NAV2: variants seen among roughly 807,000 people sequenced by gnomAD.
The protein encoded by NAV2 is helicase, APC down-regulated 1.
NAV2 carries 54 observed loss-of-function variants against 223.2 expected under a neutral mutation model. The observed-to-expected ratio is 0.24, with a 90% CI of 0.19 to 0.30. The LOEUF is 0.30. NAV2 is among the 10% of genes least tolerant of loss of function. The pLI, the probability that NAV2 is intolerant of heterozygous loss-of-function variation, is 1.00. For missense variants in NAV2, 2,806 were observed against 3,147.5 expected (o/e 0.89, Z 2.60); for synonymous variants, 1,279 against 1,239.3 (o/e 1.03, Z -0.67).
chr11:19,546,434 A>G (rs751909312), intron 1 of NAV2, among the ~76,000 whole-genome samples: 33 of 152,228 alleles, frequency 2.2e-4, no homozygotes, highest in Non-Finnish European at 3.5e-4. Context: ...CTGCTGCGGG[A>G]AGGTAGGAAA....
chr11:19,623,995 C>A (rs1007716907), intron 1 of NAV2, among the ~76,000 whole-genome samples: 8 of 152,162 alleles, frequency 5.3e-5, no homozygotes, highest in Admixed American at 4.6e-4. Flanking sequence ...CAGTCAGGAC[C>A]CTCAGCTGCA....
At chr11:20,075,217 G>GTTTTTTTT (rs1386079912) in intron 22 of NAV2, among the ~76,000 whole-genome samples, 3 of 100,664 alleles carry the variant, frequency 3.0e-5, no homozygotes, top group Non-Finnish European at 5.6e-5. Flanking sequence ...TTGTTTTTTT[G>GTTTTTTTT]TTTTGTTTTT....
chr11:19,645,736 C>T (rs527796522), intron 1 of NAV2, among the ~76,000 whole-genome samples: 142 of 152,098 alleles, frequency 9.3e-4, no homozygotes, highest in African/African-American at 3.2e-3. Context: ...AAAGCAATTG[C>T]GTTTTTTGCC....
intron 1 of NAV2, among the ~76,000 whole-genome samples, chr11:19,733,764 C>T (rs1031146961): frequency 1.3e-5 from 2 of 152,070 alleles, no homozygotes; most frequent in Admixed American, 6.5e-5. Flanking sequence ...CATATCAGGA[C>T]ATGGAAAAGG....
intron 10 of NAV2, 53 bp from the exon 11 acceptor site, chr11:19,984,072 G>A (rs1206199156): frequency 1.2e-6 from 2 of 1,612,034 alleles, no homozygotes; most frequent in Admixed American, 1.7e-5. Flanking sequence ...ATGCAAGCCT[G>A]GAAGCCACTT....
At chr11:20,080,785 T>C (rs2060043497) in intron 25 of NAV2, among the ~76,000 whole-genome samples, 1 of 152,224 alleles carries the variant, frequency 6.6e-6, no homozygotes, top group African/African-American at 2.4e-5. Flanking sequence ...ATAGAATCAG[T>C]CTCCATTACA....
chr11:20,018,867 G>T (rs539413247), intron 11 of NAV2, among the ~76,000 whole-genome samples: 2 of 152,128 alleles, frequency 1.3e-5, no homozygotes, highest in African/African-American at 4.8e-5. Flanking sequence ...CATCTGACCC[G>T]TGAGAAGTGG....
At chr11:19,698,133 G>A (rs965008309) in intron 1 of NAV2, among the ~76,000 whole-genome samples, 17 of 152,164 alleles carry the variant, frequency 1.1e-4, no homozygotes, top group Admixed American at 2.0e-4. Flanking sequence ...AGGAGAGAAC[G>A]GGGTGTAATC....
chr11:19,493,914 T>C (rs531974856), intron 1 of NAV2, among the ~76,000 whole-genome samples: 1 of 152,378 alleles, frequency 6.6e-6, no homozygotes, highest in East Asian at 1.9e-4. Flanking sequence ...ATCAGACCAA[T>C]AGCTGCCTAT....
At chr11:20,059,822 C>A (rs181459974) in intron 19 of NAV2, among the ~76,000 whole-genome samples, 1 of 152,272 alleles carries the variant, frequency 6.6e-6, no homozygotes, top group African/African-American at 2.4e-5. Context: ...AAATATGTAG[C>A]CTGCTTTAGC....
At chr11:19,766,617 A>T (rs2152563620) in intron 1 of NAV2, among the ~76,000 whole-genome samples, 1 of 152,312 alleles carries the variant, frequency 6.6e-6, no homozygotes, top group South Asian at 2.1e-4. Flanking sequence ...GGTGCTTATC[A>T]GTCCTGGATG....
intron 1 of NAV2, among the ~76,000 whole-genome samples, chr11:19,811,671 A>G (rs1413235317): frequency 5.9e-5 from 9 of 152,158 alleles, no homozygotes; most frequent in African/African-American, 1.7e-4. Context: ...AGTTTCTGGC[A>G]TGACAGAAAG....
At chr11:19,355,746 A>G (rs901013706) in intron 1 of NAV2, among the ~76,000 whole-genome samples, 3 of 152,178 alleles carry the variant, frequency 2.0e-5, no homozygotes, top group African/African-American at 7.2e-5. Context: ...ACTGTATGAC[A>G]TCTTACAGAT....
At chr11:19,861,004 A>G (rs1814725719) in intron 3 of NAV2, among the ~76,000 whole-genome samples, 1 of 138,544 alleles carries the variant, frequency 7.2e-6, no homozygotes, top group South Asian at 2.7e-4. Context: ...TCGGCTCGGC[A>G]TCAGAGGGAG....
intron 1 of NAV2, among the ~76,000 whole-genome samples, chr11:19,421,220 G>A (rs988012322): frequency 6.6e-6 from 1 of 152,124 alleles, no homozygotes; most frequent in African/African-American, 2.4e-5. Context: ...TGCTTCCCTG[G>A]GTCCTCAGAG....
chr11:19,861,267 G>A (rs923649891), intron 3 of NAV2, among the ~76,000 whole-genome samples: 3 of 152,180 alleles, frequency 2.0e-5, no homozygotes, highest in African/African-American at 4.8e-5. Context: ...TTGTGGAGAA[G>A]TAAGCATGAC....
intron 11 of NAV2, among the ~76,000 whole-genome samples, chr11:19,994,437 C>T (rs561162479): frequency 2.6e-4 from 39 of 152,060 alleles, no homozygotes; most frequent in Admixed American, 2.6e-4. Flanking sequence ...ATCCCAGCTG[C>T]GCAGCAGGCT....
intron 1 of NAV2, among the ~76,000 whole-genome samples, chr11:19,645,756 A>G (rs1434495423): frequency 1.3e-5 from 2 of 152,070 alleles, no homozygotes; most frequent in African/African-American, 4.8e-5. Flanking sequence ...CATTACTTTT[A>G]ATGGTAATGG....
At chr11:20,061,442 G>A (rs551379959) in intron 19 of NAV2, among the ~76,000 whole-genome samples, 29 of 151,854 alleles carry the variant, frequency 1.9e-4, no homozygotes, top group African/African-American at 6.5e-4. Flanking sequence ...GGTGGCGCAC[G>A]CCTATAATCC....
Sources: allele counts gnomAD v4.1 joint callset (sites outside exome capture counted in the v4.1 genomes callset), GRCh38; gene constraint gnomAD v4.1.1; transcripts MANE v1.5; gene names NCBI Gene and HGNC (gene_info 2026-07-23, HGNC 2026-07-21).